The following FBLN1 variants were observed in gnomAD, a reference collection of about 807,000 sequenced individuals.
The protein encoded by FBLN1 is fibulin-1.
A neutral mutation model predicts 89.7 loss-of-function variants in FBLN1; 34 were observed. The observed-to-expected ratio is 0.38, with a 90% CI of 0.29 to 0.50. The LOEUF (loss-of-function observed/expected upper bound fraction) is 0.50, where lower values mean the gene tolerates loss of function less well. Among genes scored for constraint, FBLN1 ranks in the 20% least tolerant of loss-of-function variants. The pLI, the probability that FBLN1 is intolerant of heterozygous loss-of-function variation, is 0.92. For synonymous variants in FBLN1, 393 were observed against 391.3 expected (o/e 1.00, Z -0.05); for missense variants, 777 against 988.1 (o/e 0.79, Z 2.86).
intron 16 of FBLN1, among the ~76,000 whole-genome samples, chr22:45,589,268 C>T (rs1001018407): frequency 6.6e-5 from 10 of 152,196 alleles, no homozygotes; most frequent in African/African-American, 2.4e-4. Context: ...AGAATGCACA[C>T]ATCATGCTGG....
intron 2 of FBLN1, among the ~76,000 whole-genome samples, chr22:45,524,275 C>G (rs1217666773): frequency 6.6e-6 from 1 of 152,224 alleles, no homozygotes; most frequent in Non-Finnish European, 1.5e-5. Flanking sequence ...GTGGCTCTTC[C>G]TGCCCTTGCT....
intron 8 of FBLN1, 151 bp downstream of exon 8, chr22:45,535,488 C>A: frequency 2.3e-6 from 2 of 851,610 alleles, no homozygotes; most frequent in East Asian, 2.7e-5. Flanking sequence ...GCAAATAGAG[C>A]AAATACTTTA....
chr22:45,573,955 C>A (rs1384800927), intron 14 of FBLN1, among the ~76,000 whole-genome samples: 3 of 144,742 alleles, frequency 2.1e-5, no homozygotes, highest in Non-Finnish European at 3.0e-5. Context: ...TACCTGGAAC[C>A]CAGACCTCTG....
In FBLN1 at chr22:45,555,248, C is replaced by CATATATATATATATATAAAATGGA. The variant is rs71710583; in HGVS notation, c.1697+4651_1697+4674dup. ...AGAGGGACAGAACTAATGGAATATA[C>CATATATATATATATATAAAATGGA]ATATATATATATATATAAAATGGAA... On this transcript the variant is annotated intron_variant, in intron 14 of 16. Transcript: ENST00000327858. Among the ~76,000 whole-genome samples the CATATATATATATATATAAAATGGA allele has an allele frequency of 3.7e-5, 5 of 135,098 alleles. No individual in the cohort carries two copies. In the East Asian group the frequency reaches 8.0e-4, roughly 22 times the overall value. 88.6% of individuals were successfully genotyped at this position (135,098 alleles called of 152,430 possible).
chr22:45,584,723 C>T (rs956026309), intron 16 of FBLN1, among the ~76,000 whole-genome samples: 5 of 152,110 alleles, frequency 3.3e-5, no homozygotes, highest in Admixed American at 6.5e-5. Context: ...GGTGGGAGCC[C>T]GGAGCCTTCT....
Position 45,550,473 on chromosome 22 carries a change from G to T in FBLN1, c.1574-19G>T, listed in dbSNP as rs1485036471. The T allele has an allele frequency of 6.2e-7, 1 of 1,613,688 alleles. No individual in the cohort carries two copies. The highest frequency in any genetic ancestry group is 8.5e-7 in the Non-Finnish European group (1 of 1,179,972). On this transcript the variant is annotated intron_variant, in intron 13 of 16. Transcript: ENST00000327858. The surrounding 1 kb of genome is among the most constrained non-coding windows in gnomAD (Gnocchi z 8.4). ...CTGCAGCCTCTGCCTTCACTGTGCT[G>T]CTGTGGGGTCTCTTGCAGACATTGA...
chr22:45,539,143 T>C (rs940196376), intron 8 of FBLN1, among the ~76,000 whole-genome samples: 3 of 74,576 alleles, frequency 4.0e-5, no homozygotes, highest in Admixed American at 1.8e-4. Flanking sequence ...ACTTCCCTCC[T>C]CCCCCTCCTT....
chr22:45,577,119 G>C lies in FBLN1; in HGVS notation c.1972+11G>C, dbSNP rs755748168. The C allele has an allele frequency of 6.2e-7, 1 of 1,613,876 alleles. No individual in the cohort carries two copies. Among genetic ancestry groups the C allele is most frequent in the Non-Finnish European group, 8.5e-7 (1 of 1,180,014 alleles). On this transcript the variant is annotated intron_variant, in intron 16 of 16. Coordinates refer to ENST00000327858, the MANE Select transcript of FBLN1 (RefSeq NM_006486.3). The surrounding 1 kb of genome is among the most constrained non-coding windows in gnomAD (Gnocchi z 6.6). ...ACGGCATGACCGTGGGTGAGTGGCT[G>C]GGAATATCAGCTCTATCCAGGCACC...
chr22:45,546,440 C>T (rs966554846), intron 11 of FBLN1, among the ~76,000 whole-genome samples: 7 of 152,164 alleles, frequency 4.6e-5, no homozygotes, highest in Non-Finnish European at 1.0e-4. Flanking sequence ...GGTCTCGAAC[C>T]CCTGACCTCG....
chr22:45,527,139 G>A (rs1157454855), intron 3 of FBLN1, among the ~76,000 whole-genome samples: 1 of 152,150 alleles, frequency 6.6e-6, no homozygotes, highest in East Asian at 1.9e-4. Flanking sequence ...GCTCCTGCTG[G>A]GGACTGTTTA....
chr22:45,563,248 T>C lies in FBLN1; in HGVS notation c.1698-11263T>C. The stretch of plus-strand genomic sequence containing the variant: ...CCTTTGTGGCCAAGCTTTTCATCTT[T>C]GTGTCTGCAGAGCTCTGAGCACTCG... On this transcript the variant is annotated intron_variant, in intron 14 of 16. Transcript: ENST00000327858. This position sits in a 1 kb window ranked among gnomAD's most constrained non-coding sequence, Gnocchi z 5.7. 1 of 1,613,734 alleles carries C rather than the reference T, an allele frequency of 6.2e-7. No homozygotes were observed.
At chr22:45,519,581 G>A (rs980979035) in intron 2 of FBLN1, among the ~76,000 whole-genome samples, 4 of 142,934 alleles carry the variant, frequency 2.8e-5, no homozygotes, top group African/African-American at 1.0e-4. Flanking sequence ...CTGAGATCGC[G>A]CCACTGCATT....
rs1320366344 is a variant in FBLN1 at position 45,537,899 on chromosome 22, C to T, written c.922+2562C>T. On this transcript the variant is annotated intron_variant, in intron 8 of 16. Transcript: ENST00000327858. The surrounding 1 kb of genome is among the most constrained non-coding windows in gnomAD (Gnocchi z 5.7). ...GGATAGTCCTGCTCAGACTTGCAGC[C>T]TGCTCAAAGGGGGGTCCGGAGGAGG... Among the ~76,000 whole-genome samples, 1 of 152,218 alleles carries T rather than the reference C, an allele frequency of 6.6e-6. No individual in the cohort carries two copies. Among genetic ancestry groups the T allele is most frequent in the African/African-American group, 2.4e-5 (1 of 41,452 alleles).
intron 8 of FBLN1, among the ~76,000 whole-genome samples, chr22:45,539,143 T>G (rs940196376): frequency 1.3e-5 from 1 of 74,628 alleles, no homozygotes; most frequent in Non-Finnish European, 2.5e-5. Context: ...ACTTCCCTCC[T>G]CCCCCTCCTT....
Position 45,580,041 on chromosome 22 carries a change from A to C in FBLN1, c.1972+2933A>C, listed in dbSNP as rs1463769986. On this transcript the variant is annotated intron_variant, in intron 16 of 16. Transcript: ENST00000327858. The surrounding 1 kb of genome is among the most constrained non-coding windows in gnomAD (Gnocchi z 8.6). The stretch of plus-strand genomic sequence containing the variant: ...CACCCCCGCATTCCCCAGTCCTCAC[A>C]GACACTGCCAGCGACGGGTCATGAT... Among the ~76,000 whole-genome samples the C allele has an allele frequency of 6.6e-6, 1 of 152,108 alleles. No homozygotes were observed. Among genetic ancestry groups the C allele is most frequent in the East Asian group, 1.9e-4 (1 of 5,170 alleles).
Position 45,537,831 on chromosome 22 carries a change from G to T in FBLN1, c.922+2494G>T, listed in dbSNP as rs116411740. On this transcript the variant is annotated intron_variant, in intron 8 of 16. Transcript: ENST00000327858. This position sits in a 1 kb window ranked among gnomAD's most constrained non-coding sequence, Gnocchi z 5.7. ...GGGTGGTTTTCGCTCAGCGCAGGGGGTGGTGAGCAGGGAAGCCATGGGCTC... is the reference window on the plus strand; with the variant it reads ...GGGTGGTTTTCGCTCAGCGCAGGGGTTGGTGAGCAGGGAAGCCATGGGCTC... Among the ~76,000 whole-genome samples, 1 of 152,152 alleles carries T rather than the reference G, an allele frequency of 6.6e-6. No homozygotes were observed. Among genetic ancestry groups the T allele is most frequent in the African/African-American group, 2.4e-5 (1 of 41,452 alleles).
At chr22:45,511,955 G>A (rs2088107397) in intron 1 of FBLN1, among the ~76,000 whole-genome samples, 1 of 152,170 alleles carries the variant, frequency 6.6e-6, no homozygotes, top group African/African-American at 2.4e-5. Flanking sequence ...GTCAGATGCA[G>A]GGGTCAGATT....
chr22:45,600,173 C>A (rs1201485200), intron 16 of FBLN1, 134 bp from the exon 17 acceptor site: 8 of 1,028,794 alleles, frequency 7.8e-6, no homozygotes, highest in Non-Finnish European at 1.1e-5. Context: ...ACTCGAGCAT[C>A]TGGCGTAGGA....
Position 45,562,844 on chromosome 22 carries a change from C to T in FBLN1, c.1698-11667C>T. The T allele has an allele frequency of 1.3e-6, 2 of 1,504,562 alleles. No individual in the cohort carries two copies. The highest frequency in any genetic ancestry group is 1.8e-6 in the Non-Finnish European group (2 of 1,090,012). The allele number at this position is 1,504,562 out of a possible 1,614,324, so 93.2% of individuals were successfully genotyped here. On this transcript the variant is annotated intron_variant, in intron 14 of 16. Transcript: ENST00000327858. This position sits in a 1 kb window ranked among gnomAD's most constrained non-coding sequence, Gnocchi z 7.8. The stretch of plus-strand genomic sequence containing the variant: ...CCTGCCAGCCCCGCATCCCCGCGCT[C>T]TGCCGTTTCTCCGCTTGCTGGACCG...
Sources: gnomAD v4.1 joint callset for allele counts (sites outside exome capture counted in the v4.1 genomes callset) on GRCh38, gnomAD v4.1.1 for gene constraint, Gnocchi (gnomAD v3.1) non-coding constraint, MANE v1.5 for transcripts, NCBI Gene and HGNC (gene_info 2026-07-23, HGNC 2026-07-21) for gene names.